ABLIM1: variants seen among roughly 807,000 people sequenced by gnomAD.
ABLIM1 encodes the protein actin binding LIM protein 1.
Under a neutral mutation model 107.0 loss-of-function variants are expected in ABLIM1, and 40 were observed. That is an observed-to-expected ratio of 0.37 (90% confidence interval 0.29 to 0.49). The LOEUF is 0.49. ABLIM1 is among the 20% of genes least tolerant of loss of function. The probability of loss-of-function intolerance (pLI) is 0.97; values close to 1 mark genes in which losing one functional copy is unlikely to be tolerated. For missense variants in ABLIM1, 857 were observed against 1,008.5 expected (o/e 0.85, Z 2.04); for synonymous variants, 357 against 357.3 (o/e 1.00, Z 0.01).
chr10:114,731,981 T>C (rs573435955), intron 1 of ABLIM1, among the ~76,000 whole-genome samples: 4 of 152,302 alleles, frequency 2.6e-5, no homozygotes, highest in South Asian at 4.2e-4. Context: ...ACTCTATATT[T>C]AACTTTTTGA....
At chr10:114,503,702 G>C (rs1040316999) in intron 6 of ABLIM1, among the ~76,000 whole-genome samples, 1 of 152,260 alleles carries the variant, frequency 6.6e-6, no homozygotes, top group South Asian at 2.1e-4. Context: ...AAGGAATTAA[G>C]TAAGAAGAAT....
At chr10:114,506,197 T>C (rs1029306956) in intron 6 of ABLIM1, among the ~76,000 whole-genome samples, 1 of 152,166 alleles carries the variant, frequency 6.6e-6, no homozygotes, top group Non-Finnish European at 1.5e-5. Flanking sequence ...ATGATTTTGT[T>C]CCGTTTTTGG....
intron 1 of ABLIM1, among the ~76,000 whole-genome samples, chr10:114,753,719 G>T (rs1400947145): frequency 2.0e-5 from 3 of 152,084 alleles, no homozygotes; most frequent in African/African-American, 7.2e-5. Flanking sequence ...CTTTTTAACA[G>T]TGCTTATTAT....
chr10:114,575,700 T>C (rs1474973229), intron 2 of ABLIM1, 101 bp from the exon 3 acceptor site: 16 of 1,103,392 alleles, frequency 1.5e-5, no homozygotes, highest in East Asian at 2.7e-5. Context: ...GTGATCTCAA[T>C]GGTTTGGGGC....
At chr10:114,534,528 T>A (rs2065789230) in intron 6 of ABLIM1, among the ~76,000 whole-genome samples, 1 of 151,850 alleles carries the variant, frequency 6.6e-6, no homozygotes, top group Non-Finnish European at 1.5e-5. Context: ...CCTGGGACAC[T>A]CCAGGAGGTT....
At chr10:114,464,369 A>T (rs1264080570) in intron 12 of ABLIM1, among the ~76,000 whole-genome samples, 1 of 152,068 alleles carries the variant, frequency 6.6e-6, no homozygotes, top group African/African-American at 2.4e-5. Context: ...TATTTTTAGT[A>T]GAGACAGGGT....
At chr10:114,798,388 C>T in the ABLIM1 span, among the ~76,000 whole-genome samples, 1 of 151,580 alleles carries the variant, frequency 6.6e-6, no homozygotes, top group Admixed American at 6.6e-5. Context: ...TGCACCACTT[C>T]ACTCCAGACT....
intron 1 of ABLIM1, among the ~76,000 whole-genome samples, chr10:114,705,622 A>T (rs2081404902): frequency 6.6e-6 from 1 of 152,174 alleles, no homozygotes; most frequent in South Asian, 2.1e-4. Flanking sequence ...ATTCAACAAA[A>T]ATCTACTCAG....
chr10:114,608,303 G>T (rs1332034730), intron 1 of ABLIM1, among the ~76,000 whole-genome samples: 2 of 152,170 alleles, frequency 1.3e-5, no homozygotes, highest in African/African-American at 2.4e-5. Flanking sequence ...GGTGGAGGTT[G>T]CAGTGAGGCG....
intron 1 of ABLIM1, among the ~76,000 whole-genome samples, chr10:114,725,887 A>C (rs2081948975): frequency 6.6e-6 from 1 of 151,780 alleles, no homozygotes; most frequent in African/African-American, 2.4e-5. Context: ...CTGGAACTAC[A>C]GGTGCACACC....
At chr10:114,713,430 T>G (rs1200739594) in intron 1 of ABLIM1, among the ~76,000 whole-genome samples, 1 of 151,970 alleles carries the variant, frequency 6.6e-6, no homozygotes, top group African/African-American at 2.4e-5. Flanking sequence ...GATCCAACAA[T>G]AAACTATACA....
At chr10:114,571,262 A>T in intron 4 of ABLIM1, 35 bp downstream of exon 4, 1 of 1,588,688 alleles carries the variant, frequency 6.3e-7, no homozygotes, top group Non-Finnish European at 8.6e-7. Flanking sequence ...TGGACTACAT[A>T]GGTATTCACG....
At chr10:114,788,444 G>A in the ABLIM1 span, among the ~76,000 whole-genome samples, 27 of 151,580 alleles carry the variant, frequency 1.8e-4, no homozygotes, top group African/African-American at 6.5e-4. Flanking sequence ...AAATCTAGTA[G>A]GGACTGGGCA....
At chr10:114,699,606 T>C (rs1441806022) in intron 1 of ABLIM1, among the ~76,000 whole-genome samples, 1 of 152,062 alleles carries the variant, frequency 6.6e-6, no homozygotes, top group African/African-American at 2.4e-5. Flanking sequence ...TAGAGTCAGA[T>C]AAAAAATAGC....
At chr10:114,477,503 G>T (rs1452487255) in intron 8 of ABLIM1, among the ~76,000 whole-genome samples, 1 of 152,168 alleles carries the variant, frequency 6.6e-6, no homozygotes, top group African/African-American at 2.4e-5. Context: ...TGCCAAGTGT[G>T]GGGCAAGGAT....
At chr10:114,716,410 A>AAAACACAC (rs541504016) in intron 1 of ABLIM1, among the ~76,000 whole-genome samples, 101 of 143,628 alleles carry the variant, frequency 7.0e-4, no homozygotes, top group African/African-American at 2.6e-3. Flanking sequence ...GGTAGAGAGA[A>AAAACACAC]ACACACACAC....
upstream of ABLIM1, among the ~76,000 whole-genome samples, chr10:114,772,678 T>C (rs1233300774): frequency 2.6e-5 from 4 of 151,872 alleles, no homozygotes; most frequent in African/African-American, 9.7e-5. Flanking sequence ...AAACATGAGG[T>C]CATAATAAAA....
chr10:114,625,738 G>T (rs2077748241), intron 1 of ABLIM1, among the ~76,000 whole-genome samples: 1 of 152,142 alleles, frequency 6.6e-6, no homozygotes, highest in Non-Finnish European at 1.5e-5. Flanking sequence ...AAGGTAAAAG[G>T]GCTCAGGGTG....
At chr10:114,774,571 T>C in the ABLIM1 span, among the ~76,000 whole-genome samples, 1 of 152,086 alleles carries the variant, frequency 6.6e-6, no homozygotes, top group Non-Finnish European at 1.5e-5. Context: ...CGAGGATAGG[T>C]AAAATGAACA....
Sources: gnomAD v4.1 joint callset for allele counts (sites outside exome capture counted in the v4.1 genomes callset) on GRCh38, gnomAD v4.1.1 for gene constraint, MANE v1.5 for transcripts, NCBI Gene and HGNC (gene_info 2026-07-23, HGNC 2026-07-21) for gene names.